Variants in HDAC4 observed in about 807,000 individuals in gnomAD.
The protein encoded by HDAC4 is histone deacetylase 4.
HDAC4 carries 16 observed loss-of-function variants against 135.1 expected under a neutral mutation model. The ratio of observed to expected loss-of-function variants is 0.12; its 90% CI spans 0.08 to 0.18. HDAC4 has a LOEUF of 0.18. Among genes scored for constraint, HDAC4 ranks in the 10% least tolerant of loss-of-function variants. HDAC4 has a pLI of 1.00. For synonymous variants in HDAC4, 685 were observed against 653.4 expected (o/e 1.05, Z -0.74); for missense variants, 1,143 against 1,511.8 (o/e 0.76, Z 4.05).
At chr2:239,134,201 G>A in intron 11 of HDAC4, 44 bp downstream of exon 11, 4 of 1,535,090 alleles carry the variant, frequency 2.6e-6, no homozygotes. Flanking sequence ...CCAGAGCGTG[G>A]GCAGCCTCAG....
At chr2:239,388,351 C>T (rs1026565939) in intron 1 of HDAC4, among the ~76,000 whole-genome samples, 10 of 152,240 alleles carry the variant, frequency 6.6e-5, no homozygotes, top group African/African-American at 2.4e-4. Context: ...AAGCACATTC[C>T]TTCTAACACA....
chr2:239,369,275 T>G (rs1315940434), intron 1 of HDAC4, among the ~76,000 whole-genome samples: 3 of 152,058 alleles, frequency 2.0e-5, no homozygotes, highest in Non-Finnish European at 4.4e-5. Context: ...GAGTTTTGGG[T>G]CCCAATAAAT....
At chr2:239,216,957 A>G (rs1429039628) in intron 3 of HDAC4, among the ~76,000 whole-genome samples, 1 of 152,260 alleles carries the variant, frequency 6.6e-6, no homozygotes, top group Non-Finnish European at 1.5e-5. Context: ...AGAAGTAAGT[A>G]GCAAAAGACA....
intron 1 of HDAC4, among the ~76,000 whole-genome samples, chr2:239,381,158 C>T (rs1038941205): frequency 3.9e-5 from 6 of 152,206 alleles, no homozygotes; most frequent in South Asian, 2.1e-4. Context: ...AGCTGCCTCC[C>T]GCGACCGCCT....
chr2:239,316,315 G>T (rs1306844351), intron 2 of HDAC4, among the ~76,000 whole-genome samples: 1 of 152,186 alleles, frequency 6.6e-6, no homozygotes, highest in African/African-American at 2.4e-5. Flanking sequence ...ATAAAACTCA[G>T]ATGGCAGGCC....
rs537990907 is a variant in HDAC4 at position 239,299,552 on chromosome 2, G to A, written c.22+53126C>T. On this transcript the variant is annotated intron_variant, in intron 2 of 26. Transcript: ENST00000543185. The surrounding 1 kb of genome is among the most constrained non-coding windows in gnomAD (Gnocchi z 4.0). Reference sequence around the variant, plus strand: ...TACAACTGTACAACGGGAGGGCAGCGACACGTGCTTATTTGTATTAATGTT... The same window carrying A: ...TACAACTGTACAACGGGAGGGCAGCAACACGTGCTTATTTGTATTAATGTT... Among the ~76,000 whole-genome samples the A allele has an allele frequency of 1.5e-3, 230 of 152,300 alleles. No homozygotes were observed. Among genetic ancestry groups the A allele is most frequent in the African/African-American group, 5.0e-3 (207 of 41,562 alleles).
chr2:239,375,661 C>T (rs754665532), intron 1 of HDAC4, among the ~76,000 whole-genome samples: 7 of 152,204 alleles, frequency 4.6e-5, no homozygotes, highest in Admixed American at 1.3e-4. Context: ...AACTCAGTCA[C>T]GCACAGGCTC....
At chr2:239,380,073 TG>T (rs1312582985) in intron 1 of HDAC4, among the ~76,000 whole-genome samples, 2 of 152,066 alleles carry the variant, frequency 1.3e-5, no homozygotes, top group African/African-American at 4.8e-5. Context: ...GGATGAGACC[TG>T]GGGTCGGGGG....
At chr2:239,149,396 AT>A (rs757760644) in intron 7 of HDAC4, among the ~76,000 whole-genome samples, 22 of 151,754 alleles carry the variant, frequency 1.4e-4, no homozygotes, top group Non-Finnish European at 2.5e-4. Context: ...AAATAAATAA[AT>A]AAAAAGATAA....
chr2:239,378,677 C>T (rs1309638135), intron 1 of HDAC4, among the ~76,000 whole-genome samples: 2 of 127,082 alleles, frequency 1.6e-5, no homozygotes, highest in African/African-American at 2.5e-5. Flanking sequence ...CCAATGACCC[C>T]GGGAACCAAT....
rs369873600 is a variant in HDAC4 at position 239,385,619 on chromosome 2, C to A, written c.-220+15359G>T. 5.9e-5 allele frequency among the ~76,000 whole-genome samples: 9 copies of A among 152,350 alleles called. No homozygotes were observed. The South Asian group carries it at 1.9e-3, about 32-fold the overall frequency. ...AGCACAGCCTACCAGTGGGCAAAGC[C>A]GGCCTGTGATAAGGAACACGCACAC... On this transcript the variant is annotated intron_variant, in intron 1 of 26. Transcript: ENST00000543185.
intron 15 of HDAC4, among the ~76,000 whole-genome samples, chr2:239,106,303 A>G (rs2038124537): frequency 6.6e-6 from 1 of 152,136 alleles, no homozygotes; most frequent in Admixed American, 6.5e-5. Flanking sequence ...CCCTCTCCCA[A>G]TCCCCTGGCC....
At chr2:239,301,239 A>C (rs1279442818) in intron 2 of HDAC4, among the ~76,000 whole-genome samples, 7 of 152,112 alleles carry the variant, frequency 4.6e-5, no homozygotes, top group African/African-American at 1.7e-4. Flanking sequence ...CTGGTTCTAA[A>C]GTCGGTCTCC....
In HDAC4 at chr2:239,090,006, G is replaced by T; in HGVS notation, c.2388+3C>A. ...GGCCACCACTGTCCAGGCCCCGACT[G>T]ACCTTCAGCTCCCCTGTGGCCACCT... On this transcript the variant is annotated splice_donor_region_variant and intron_variant, in intron 18 of 26. Coordinates refer to ENST00000543185, the MANE Select transcript of HDAC4 (RefSeq NM_001378414.1). 1 of 1,609,480 alleles carries T rather than the reference G, an allele frequency of 6.2e-7. No homozygotes were observed. Among genetic ancestry groups the T allele is most frequent in the Non-Finnish European group, 8.5e-7 (1 of 1,176,012 alleles).
At chr2:239,122,743 C>A (rs1286519888) in intron 12 of HDAC4, among the ~76,000 whole-genome samples, 1 of 152,254 alleles carries the variant, frequency 6.6e-6, no homozygotes, top group African/African-American at 2.4e-5. Context: ...CAGGGCTAGG[C>A]ACGGGCCGCC....
chr2:239,174,594 G>A (rs148589081), intron 5 of HDAC4, among the ~76,000 whole-genome samples: 139 of 152,220 alleles, frequency 9.1e-4, no homozygotes, highest in African/African-American at 3.3e-3. Flanking sequence ...TGGGCATCAC[G>A]TATGAACACT....
At chr2:239,053,988 G>T (rs2031345674) in intron 25 of HDAC4, among the ~76,000 whole-genome samples, 1 of 151,926 alleles carries the variant, frequency 6.6e-6, no homozygotes, top group African/African-American at 2.4e-5. Context: ...CTGGGGGATT[G>T]TCGCTGGGGC....
intron 1 of HDAC4, among the ~76,000 whole-genome samples, chr2:239,390,303 G>C (rs758389244): frequency 6.6e-6 from 1 of 152,166 alleles, no homozygotes; most frequent in Non-Finnish European, 1.5e-5. Flanking sequence ...AAGCCGAGGT[G>C]GGCAGACTGT....
chr2:239,150,833 C>A (rs1275075566), intron 7 of HDAC4, among the ~76,000 whole-genome samples: 1 of 151,206 alleles, frequency 6.6e-6, no homozygotes, highest in African/African-American at 2.4e-5. Flanking sequence ...ATATACCACA[C>A]CTTCACATAC....
Sources: allele counts gnomAD v4.1 joint callset (sites outside exome capture counted in the v4.1 genomes callset), GRCh38; gene constraint gnomAD v4.1.1; non-coding constraint Gnocchi (gnomAD v3.1); transcripts MANE v1.5; gene names NCBI Gene and HGNC (gene_info 2026-07-23, HGNC 2026-07-21).